The following PDE11A variants were observed in gnomAD, a reference collection of about 807,000 sequenced individuals.
The protein encoded by PDE11A is dual 3',5'-cyclic-AMP and -GMP phosphodiesterase 11A.
PDE11A carries 100 observed loss-of-function variants against 100.5 expected under a neutral mutation model. The ratio of observed to expected loss-of-function variants is 1.00; its 90% CI spans 0.85 to 1.18. PDE11A has a LOEUF of 1.18. Among genes scored for constraint, PDE11A ranks in the 50% most tolerant of loss-of-function variants. The pLI, the probability that PDE11A is intolerant of heterozygous loss-of-function variation, is 0.00. For missense variants in PDE11A, 1,141 were observed against 1,152.6 expected (o/e 0.99, Z 0.15); for synonymous variants, 381 against 420.8 (o/e 0.91, Z 1.16).
chr2:178,071,669 AT>A lies in PDE11A; in HGVS notation c.768del (p.Lys256AsnfsTer60). On this transcript the variant is annotated frameshift_variant, in exon 1 of 20. Coordinates refer to ENST00000286063, the MANE Select transcript of PDE11A (RefSeq NM_016953.4). LOFTEE classifies it high-confidence loss of function. ...GGTGTTCCTGCATGCACATCAAAGA[AT>A]TTGGAGACCAAGGTCTTCTTGCCAG... ...AAAGKKTLVSKFFDVHAGTPL... is the reference protein window; with the variant it reads ...AAAGKKTLVSXFFDVHAGTPL... 6.2e-7 allele frequency: 1 copy of A among 1,613,598 alleles called. No homozygotes were observed. The highest frequency in any genetic ancestry group is 1.7e-5 in the Admixed American group (1 of 60,028).
chr2:178,001,311 T>TGTGTG (rs59287027), intron 2 of PDE11A, among the ~76,000 whole-genome samples: 7 of 148,008 alleles, frequency 4.7e-5, no homozygotes, highest in East Asian at 2.0e-4. Context: ...TGTGTGTGTG[T>TGTGTG]AGTAGGTTTA....
chr2:178,102,271 C>T (rs541057079), intron 2 of PDE11A, among the ~76,000 whole-genome samples: 85 of 152,004 alleles, frequency 5.6e-4, no homozygotes, highest in African/African-American at 1.7e-3. Flanking sequence ...GGACTGCAAG[C>T]GTGCACCACC....
intron 9 of PDE11A, among the ~76,000 whole-genome samples, chr2:177,807,058 C>T (rs914712646): frequency 2.6e-5 from 4 of 152,036 alleles, no homozygotes; most frequent in Admixed American, 6.6e-5. Flanking sequence ...CTCTTAGATC[C>T]AAGAAACTCG....
chr2:177,994,741 A>C (rs2105812792), intron 2 of PDE11A, among the ~76,000 whole-genome samples: 1 of 152,346 alleles, frequency 6.6e-6, no homozygotes, highest in Admixed American at 6.5e-5. Context: ...CTTTTACTTA[A>C]GAAATCCATG....
intron 2 of PDE11A, among the ~76,000 whole-genome samples, chr2:177,950,235 G>A (rs1415327706): frequency 7.4e-6 from 1 of 136,038 alleles, no homozygotes; most frequent in Non-Finnish European, 1.6e-5. Context: ...TTTTTTTTTT[G>A]CACCTTTTCC....
At chr2:177,891,692 T>C (rs2084531699) in intron 4 of PDE11A, among the ~76,000 whole-genome samples, 1 of 152,246 alleles carries the variant, frequency 6.6e-6, no homozygotes, top group Admixed American at 6.5e-5. Flanking sequence ...CTGTAAACCC[T>C]TGTCTGCTAG....
chr2:177,849,762 C>G (rs552968445), intron 5 of PDE11A, among the ~76,000 whole-genome samples: 2 of 148,726 alleles, frequency 1.3e-5, no homozygotes, highest in East Asian at 2.0e-4. Context: ...TGCACTCCAG[C>G]CTGGGCGACA....
chr2:177,946,332 G>T (rs2085428939), intron 2 of PDE11A, among the ~76,000 whole-genome samples: 15 of 141,422 alleles, frequency 1.1e-4, no homozygotes, highest in African/African-American at 4.1e-4. Context: ...GGAGGTGGGG[G>T]GGGTCAGCCC....
At chr2:177,737,620 G>A (rs2081810620) in intron 10 of PDE11A, among the ~76,000 whole-genome samples, 1 of 150,962 alleles carries the variant, frequency 6.6e-6, no homozygotes, top group Admixed American at 6.6e-5. Context: ...AGAGGGGCAG[G>A]GTTCTGGATA....
chr2:178,084,600 A>G (rs898982299), intron 2 of PDE11A, among the ~76,000 whole-genome samples: 1 of 152,230 alleles, frequency 6.6e-6, no homozygotes, highest in Non-Finnish European at 1.5e-5. Flanking sequence ...TACAAACAAG[A>G]AAAAAGAATA....
chr2:177,765,715 T>C (rs2082230199), intron 10 of PDE11A, among the ~76,000 whole-genome samples: 2 of 152,170 alleles, frequency 1.3e-5, no homozygotes, highest in African/African-American at 4.8e-5. Context: ...CATGGATCCA[T>C]GGGAGGCTGA....
At chr2:177,807,703 G>A (rs1574162521) in intron 9 of PDE11A, among the ~76,000 whole-genome samples, 2 of 152,186 alleles carry the variant, frequency 1.3e-5, no homozygotes, top group African/African-American at 4.8e-5. Context: ...TGGGATTGTA[G>A]GCGTGAGCCA....
chr2:178,019,736 G>C (rs1328176912), intron 1 of PDE11A, among the ~76,000 whole-genome samples: 2 of 152,156 alleles, frequency 1.3e-5, no homozygotes, highest in Non-Finnish European at 2.9e-5. Flanking sequence ...GTTGGAAGTT[G>C]AGTCTGTAGT....
chr2:178,090,057 CAA>C (rs1401881811), intron 2 of PDE11A, among the ~76,000 whole-genome samples: 2 of 152,170 alleles, frequency 1.3e-5, no homozygotes, highest in Non-Finnish European at 2.9e-5. Flanking sequence ...CTTCCAAATG[CAA>C]AAGTTTCTGC....
chr2:178,025,058 G>C (rs892187632), intron 1 of PDE11A, among the ~76,000 whole-genome samples: 1 of 152,122 alleles, frequency 6.6e-6, no homozygotes, highest in South Asian at 2.1e-4. Flanking sequence ...TTTGATATTT[G>C]CTGAGAAAAA....
At chr2:178,031,271 T>A (rs1263641358) in intron 1 of PDE11A, among the ~76,000 whole-genome samples, 1 of 152,144 alleles carries the variant, frequency 6.6e-6, no homozygotes, top group Non-Finnish European at 1.5e-5. Context: ...ATAAGCTCAG[T>A]TTCAAGACAA....
chr2:178,044,366 ATATATGTTTTTATATATATAAACTT>A (rs1476667999), intron 1 of PDE11A, among the ~76,000 whole-genome samples: 2 of 147,294 alleles, frequency 1.4e-5, no homozygotes, highest in South Asian at 4.2e-4. Flanking sequence ...TAAACTTTAT[ATATATGTTTTTATATATATAAACTT>A]TATATGTTTA....
At chr2:177,717,569 T>C (rs1299071281) in intron 12 of PDE11A, among the ~76,000 whole-genome samples, 1 of 152,140 alleles carries the variant, frequency 6.6e-6, no homozygotes, top group East Asian at 1.9e-4. Context: ...TCACCTGTAT[T>C]CCCTCACAGT....
intron 2 of PDE11A, among the ~76,000 whole-genome samples, chr2:177,940,420 G>A (rs1303799943): frequency 2.0e-5 from 3 of 152,068 alleles, no homozygotes; most frequent in Admixed American, 2.0e-4. Flanking sequence ...ATGATAATCA[G>A]GATTTAATAG....
Sources: gnomAD v4.1 joint callset for allele counts (sites outside exome capture counted in the v4.1 genomes callset) on GRCh38, gnomAD v4.1.1 for gene constraint, MANE v1.5 for transcripts, NCBI Gene and HGNC (gene_info 2026-07-23, HGNC 2026-07-21) for gene names.